Variants in EIF4G3 observed in about 807,000 individuals in gnomAD.
EIF4G3 encodes eIF-4-gamma 3.
In EIF4G3, 34 loss-of-function variants were observed where a neutral mutation model predicts 186.4. The ratio of observed to expected loss-of-function variants is 0.18; its 90% CI spans 0.14 to 0.24. EIF4G3 has a LOEUF of 0.24. EIF4G3 is among the 10% of genes least tolerant of loss of function. The probability of loss-of-function intolerance (pLI) is 1.00; values close to 1 mark genes in which losing one functional copy is unlikely to be tolerated. For missense variants in EIF4G3, 1,536 were observed against 1,948.5 expected, an observed-to-expected ratio of 0.79 and a Z score of 3.99; for synonymous variants, 673 against 679.5, an observed-to-expected ratio of 0.99 and a Z score of 0.15.
At chr1:20,989,549 CT>C (rs1297232336) in intron 7 of EIF4G3, among the ~76,000 whole-genome samples, 1 of 60,938 alleles carries the variant, frequency 1.6e-5, no homozygotes, top group African/African-American at 5.6e-5. Flanking sequence ...AAGAGCAAAA[CT>C]CCAACTCAAA....
At chr1:21,067,815 G>C (rs1375893260) in intron 3 of EIF4G3, among the ~76,000 whole-genome samples, 1 of 151,878 alleles carries the variant, frequency 6.6e-6, no homozygotes, top group Non-Finnish European at 1.5e-5. Flanking sequence ...GAGAGTTATT[G>C]AACTCTCTTA....
intron 7 of EIF4G3, among the ~76,000 whole-genome samples, chr1:20,985,848 T>C (rs1323107891): frequency 2.0e-5 from 3 of 152,198 alleles, no homozygotes; most frequent in East Asian, 1.9e-4. Flanking sequence ...CAACTTAAGA[T>C]ACAAATTCTT....
chr1:20,832,071 G>A (rs1418431656), intron 30 of EIF4G3, among the ~76,000 whole-genome samples: 3 of 143,750 alleles, frequency 2.1e-5, no homozygotes, highest in African/African-American at 5.1e-5. Flanking sequence ...ATAAACACAC[G>A]TGTGCATGTG....
intron 14 of EIF4G3, among the ~76,000 whole-genome samples, chr1:20,927,684 A>T (rs2095012853): frequency 6.6e-6 from 1 of 152,154 alleles, no homozygotes; most frequent in South Asian, 2.1e-4. Flanking sequence ...GGGTGGCTGA[A>T]CTGGGCCAAA....
intron 7 of EIF4G3, among the ~76,000 whole-genome samples, chr1:20,995,479 C>T (rs938469596): frequency 6.6e-6 from 1 of 152,134 alleles, no homozygotes; most frequent in Middle Eastern, 3.4e-3. Context: ...TTCAAGTGAT[C>T]GCTTGCCTCA....
intron 3 of EIF4G3, among the ~76,000 whole-genome samples, chr1:21,072,116 A>C (rs1327431063): frequency 6.6e-6 from 1 of 152,210 alleles, no homozygotes; most frequent in Non-Finnish European, 1.5e-5. Flanking sequence ...TTAACTTCCT[A>C]AGTTTTGTAT....
intron 3 of EIF4G3, among the ~76,000 whole-genome samples, chr1:21,082,256 G>C (rs528897379): frequency 1.3e-5 from 2 of 151,208 alleles, no homozygotes; most frequent in African/African-American, 4.9e-5. Flanking sequence ...CCAACTCAAT[G>C]AAAGTGACAT....
intron 2 of EIF4G3, among the ~76,000 whole-genome samples, chr1:21,149,676 C>CAT (rs772555507): frequency 1.3e-5 from 2 of 152,168 alleles, no homozygotes; most frequent in East Asian, 3.8e-4. Context: ...AACCACTCCC[C>CAT]ATCTCTCACC....
At chr1:21,017,627 C>CAAA (rs71014146) in intron 4 of EIF4G3, among the ~76,000 whole-genome samples, 11 of 49,230 alleles carry the variant, frequency 2.2e-4, no homozygotes, top group South Asian at 1.0e-3. Context: ...GACTCCGTCT[C>CAAA]AAAAAAAAAA....
At chr1:20,858,095 G>A (rs572713658) in intron 24 of EIF4G3, among the ~76,000 whole-genome samples, 5 of 152,292 alleles carry the variant, frequency 3.3e-5, no homozygotes, top group South Asian at 2.1e-4. Context: ...CTGCAGAGAC[G>A]TGTTTTGGCC....
chr1:20,863,593 C>T (rs193289306), intron 22 of EIF4G3, among the ~76,000 whole-genome samples: 19 of 151,472 alleles, frequency 1.3e-4, no homozygotes, highest in Admixed American at 7.2e-4. Flanking sequence ...TACAGGCATG[C>T]GCCACCATGC....
intron 2 of EIF4G3, among the ~76,000 whole-genome samples, chr1:21,146,355 C>T (rs183531318): frequency 6.6e-6 from 1 of 152,268 alleles, no homozygotes; most frequent in African/African-American, 2.4e-5. Context: ...ACAGCAAGAC[C>T]CTGTCTCAAA....
Position 20,817,480 on chromosome 1 carries a change from T to C in EIF4G3, c.4427A>G (p.Glu1476Gly), listed in dbSNP as rs1293253215. The C allele has an allele frequency of 6.2e-7, 1 of 1,608,866 alleles. No homozygotes were observed. Among genetic ancestry groups the C allele is most frequent in the Non-Finnish European group, 8.5e-7 (1 of 1,177,110 alleles). Reference sequence around the variant, plus strand: ...CTTATACAGCTCTTCGGCAGACAGTTCTTTCTTTGAAAGTGCTTCAGAGGA... The same window carrying C: ...CTTATACAGCTCTTCGGCAGACAGTCCTTTCTTTGAAAGTGCTTCAGAGGA... The part of the protein sequence containing the change: ...PCSSEALSKK[E>G]LSAEELYKRL... Residue 1476 changes from glutamate (E) to glycine (G), a missense_variant, in exon 34 of 37, where the codon GAA (glutamate) becomes GGA (glycine). By Grantham distance (98) the Glu-to-Gly change is moderately conservative. Around this residue, in one of 11 missense-constraint regions of EIF4G3, gnomAD observed 395 missense variants for 498.9 expected, o/e 0.79. Transcript: ENST00000602326.
intron 2 of EIF4G3, among the ~76,000 whole-genome samples, chr1:21,090,722 T>A (rs551537575): frequency 6.6e-6 from 1 of 152,290 alleles, no homozygotes; most frequent in Non-Finnish European, 1.5e-5. Context: ...TCCTAAACCT[T>A]GCCCCACTCC....
chr1:21,063,806 T>C (rs2095077640), intron 3 of EIF4G3, among the ~76,000 whole-genome samples: 1 of 149,988 alleles, frequency 6.7e-6, no homozygotes, highest in African/African-American at 2.4e-5. Context: ...GCCTCCCGGG[T>C]TCAAGCAATT....
At chr1:20,868,840 A>C (rs1352417179) in intron 20 of EIF4G3, among the ~76,000 whole-genome samples, 2 of 152,196 alleles carry the variant, frequency 1.3e-5, no homozygotes, top group African/African-American at 4.8e-5. Context: ...ATTTTTACAC[A>C]GTAGTAAACT....
chr1:21,095,408 G>T (rs2096339352), intron 2 of EIF4G3, among the ~76,000 whole-genome samples: 1 of 152,112 alleles, frequency 6.6e-6, no homozygotes, highest in African/African-American at 2.4e-5. Context: ...TCAACCTTCT[G>T]GGCTCAAGTG....
intron 3 of EIF4G3, among the ~76,000 whole-genome samples, chr1:21,066,288 C>T (rs543673558): frequency 5.0e-4 from 40 of 79,522 alleles, no homozygotes; most frequent in African/African-American, 1.6e-3. Flanking sequence ...CAGTCCACTC[C>T]TGGAGGAAAA....
At chr1:20,958,745 T>C (rs906998638) in intron 12 of EIF4G3, among the ~76,000 whole-genome samples, 1 of 152,156 alleles carries the variant, frequency 6.6e-6, no homozygotes, top group African/African-American at 2.4e-5. Flanking sequence ...AGCACTGCTA[T>C]ACACCAACAA....
Sources: gnomAD v4.1 joint callset for allele counts (sites outside exome capture counted in the v4.1 genomes callset) on GRCh38, gnomAD v4.1.1 for gene constraint, gnomAD v4.1.1 regional missense constraint, MANE v1.5 for transcripts, NCBI Gene and HGNC (gene_info 2026-07-23, HGNC 2026-07-21) for gene names.